STAT5B: variants seen among roughly 807,000 people sequenced by gnomAD.
The protein encoded by STAT5B is signal transducer and activator of transcription 5B.
A neutral mutation model predicts 107.8 loss-of-function variants in STAT5B; 21 were observed. The observed-to-expected ratio is 0.19, with a 90% CI of 0.14 to 0.28. The LOEUF (loss-of-function observed/expected upper bound fraction) is 0.28. STAT5B is among the 10% of genes least tolerant of loss of function. STAT5B has a pLI of 1.00. For synonymous variants in STAT5B, 325 were observed against 401.7 expected (o/e 0.81, Z 2.28); for missense variants, 565 against 1,008.2 (o/e 0.56, Z 5.95).
chr17:42,212,842 G>A (rs1021638234), intron 12 of STAT5B, among the ~76,000 whole-genome samples: 1 of 152,106 alleles, frequency 6.6e-6, no homozygotes, highest in Non-Finnish European at 1.5e-5. Context: ...AAGCACAGAC[G>A]GCTACACAGT....
Position 42,201,489 on chromosome 17 carries a change from C to G in STAT5B, c.*249G>C, listed in dbSNP as rs2080042645. The G allele has an allele frequency of 1.6e-6, 1 of 622,210 alleles. No individual in the cohort carries two copies. Among genetic ancestry groups the G allele is most frequent in the African/African-American group, 1.8e-5 (1 of 54,886 alleles). 38.5% of individuals were successfully genotyped at this position (622,210 alleles called of 1,614,324 possible). On this transcript the variant is annotated 3_prime_UTR_variant, in exon 19 of 19. Transcript: ENST00000293328. ...CCTCTGCTACAACTAAACTCTCAGA[C>G]AGTGAGAGGGAGAAACACCATAACG... is the stretch of plus-strand genomic sequence containing the variant.
At position 42,217,408 on chromosome 17, in the gene STAT5B, G is replaced by C. The variant is rs757419103; in HGVS notation, c.1226C>G (p.Thr409Arg). ...CCTGAAGTGGGCACTAAGGGTGCCTGTGGCTTGGTGGTACTCCATGACGCA... is the reference window on the plus strand; with the variant it reads ...CCTGAAGTGGGCACTAAGGGTGCCTCTGGCTTGGTGGTACTCCATGACGCA... ...NCCVMEYHQATGTLSAHFRNM... is the reference protein window; with the variant it reads ...NCCVMEYHQARGTLSAHFRNM... The change falls in exon 10 of 19, where the codon ACA becomes AGA. Residue 409 changes from threonine to arginine, a missense_variant. Physicochemically the swap from Thr to Arg is moderately conservative, Grantham distance 71 (BLOSUM62 -1). Coordinates refer to ENST00000293328, the MANE Select transcript of STAT5B (RefSeq NM_012448.4). 2 of 1,614,198 alleles carry C rather than the reference G, an allele frequency of 1.2e-6. No homozygotes were observed. The highest frequency in any genetic ancestry group is 1.1e-5 in the South Asian group (1 of 91,090).
chr17:42,264,260 GGTTA>G (rs1051906586), intron 1 of STAT5B, among the ~76,000 whole-genome samples: 8 of 151,402 alleles, frequency 5.3e-5, no homozygotes, highest in Non-Finnish European at 8.8e-5. Flanking sequence ...ACATTGTGCA[GGTTA>G]GTTACATACG....
chr17:42,258,917 G>A (rs2080570484), intron 1 of STAT5B, among the ~76,000 whole-genome samples: 2 of 152,196 alleles, frequency 1.3e-5, no homozygotes, highest in East Asian at 1.9e-4. Context: ...AAAACTGGGG[G>A]GAACTCTCTT....
chr17:42,255,130 G>A (rs1359915252), intron 1 of STAT5B, among the ~76,000 whole-genome samples: 1 of 152,068 alleles, frequency 6.6e-6, no homozygotes, highest in Non-Finnish European at 1.5e-5. Context: ...TTAATGACAC[G>A]CAATCAGAAC....
At chr17:42,284,003 T>C in the STAT5B span, among the ~76,000 whole-genome samples, 1 of 152,044 alleles carries the variant, frequency 6.6e-6, no homozygotes, top group Admixed American at 6.5e-5. Context: ...AGATACTTCC[T>C]AGAAAGCCTC....
chr17:42,237,536 T>C (rs1033259303), intron 1 of STAT5B, among the ~76,000 whole-genome samples: 1 of 152,100 alleles, frequency 6.6e-6, no homozygotes, highest in African/African-American at 2.4e-5. Flanking sequence ...AGGCCCACTG[T>C]GTATCTGCCA....
intron 2 of STAT5B, 21 bp downstream of exon 2, chr17:42,231,979 C>G: frequency 6.2e-7 from 1 of 1,613,314 alleles, no homozygotes; most frequent in Non-Finnish European, 8.5e-7. Context: ...AAATATGATG[C>G]AAACATCCTT....
At chr17:42,270,346 T>C (rs1215530273) in intron 1 of STAT5B, among the ~76,000 whole-genome samples, 2 of 152,140 alleles carry the variant, frequency 1.3e-5, no homozygotes, top group African/African-American at 2.4e-5. Context: ...GTAAATAAAA[T>C]GAGTGGGATT....
chr17:42,202,146 G>A (rs2080049782), intron 18 of STAT5B, 194 bp downstream of exon 18: 2 of 691,648 alleles, frequency 2.9e-6, no homozygotes, highest in Non-Finnish European at 5.0e-6. Context: ...GATGACATTT[G>A]CCCAACCCGA....
rs111600383 is a variant in STAT5B at position 42,202,540 on chromosome 17, G to T, written c.2130-93C>A. ...CAAGGGGTATCTTTGTCTTTCTCAG[G>T]GTGTAGAAGGACAAAGTGCCCCACT... On this transcript the variant is annotated intron_variant, in intron 17 of 18. Transcript: ENST00000293328. 2,597 of 1,499,362 alleles carry T rather than the reference G, an allele frequency of 1.7e-3. 38 individuals are homozygous for T. In the African/African-American group the frequency reaches 0.032, roughly 19 times the overall value. 92.9% of individuals were successfully genotyped at this position (1,499,362 alleles called of 1,614,324 possible). A position where few individuals can be genotyped will look rare whatever the true frequency, so the allele number is the denominator to read the frequency against.
intron 15 of STAT5B, among the ~76,000 whole-genome samples, chr17:42,208,386 G>A (rs1457189762): frequency 6.6e-6 from 1 of 151,864 alleles, no homozygotes; most frequent in Non-Finnish European, 1.5e-5. Context: ...CGTAGTCCCA[G>A]GTACTATGCT....
intron 1 of STAT5B, 145 bp from the exon 2 acceptor site, chr17:42,232,282 T>C: frequency 1.1e-6 from 1 of 880,554 alleles, no homozygotes; most frequent in Non-Finnish European, 1.5e-6. Context: ...ACAGTCTCGC[T>C]CTGCCACCCA....
chr17:42,214,703 T>C (rs1598300259), intron 12 of STAT5B: 6 of 921,194 alleles, frequency 6.5e-6, no homozygotes, highest in Non-Finnish European at 7.8e-6. Flanking sequence ...CATGCTTTTA[T>C]GGACTAATCT....
At chr17:42,215,738 C>A (rs2080165602) in intron 12 of STAT5B, among the ~76,000 whole-genome samples, 3 of 152,100 alleles carry the variant, frequency 2.0e-5, no homozygotes, top group African/African-American at 7.2e-5. Flanking sequence ...CGTGCCTCAG[C>A]CTCCCAAGTA....
At chr17:42,212,266 G>T in intron 12 of STAT5B, 76 bp from the exon 13 acceptor site, 1 of 1,608,596 alleles carries the variant, frequency 6.2e-7, no homozygotes, top group Non-Finnish European at 8.5e-7. Context: ...AAAGAAAAAC[G>T]CTGATGGCTG....
At chr17:42,214,431 AC>A in intron 12 of STAT5B, 1 of 985,410 alleles carries the variant, frequency 1.0e-6, no homozygotes, top group Non-Finnish European at 1.2e-6. Context: ...TAAAAATCTC[AC>A]CTTTGCAGTA....
intron 15 of STAT5B, among the ~76,000 whole-genome samples, chr17:42,208,203 T>C (rs1473993945): frequency 6.6e-6 from 1 of 152,034 alleles, no homozygotes; most frequent in East Asian, 2.0e-4. Context: ...GAAATAGTTT[T>C]AAAAGCCATG....
At chr17:42,209,376 T>A (rs949835674) in intron 15 of STAT5B, among the ~76,000 whole-genome samples, 1 of 152,162 alleles carries the variant, frequency 6.6e-6, no homozygotes, top group Non-Finnish European at 1.5e-5. Flanking sequence ...AAAACTTTAA[T>A]TCACAGAAAA....
Sources: allele counts gnomAD v4.1 joint callset (sites outside exome capture counted in the v4.1 genomes callset), GRCh38; gene constraint gnomAD v4.1.1; transcripts MANE v1.5; gene names NCBI Gene and HGNC (gene_info 2026-07-23, HGNC 2026-07-21).